P4HA1: variants seen among roughly 807,000 people sequenced by gnomAD.
The protein encoded by P4HA1 is prolyl 4-hydroxylase subunit alpha-1.
Under a neutral mutation model 72.8 loss-of-function variants are expected in P4HA1, and 24 were observed. That is an observed-to-expected ratio of 0.33 (90% CI 0.24 to 0.46). P4HA1 has a LOEUF of 0.46. P4HA1 is among the 20% of genes least tolerant of loss of function. The pLI is 1.00. For missense variants in P4HA1, 446 were observed against 640.6 expected, an observed-to-expected ratio of 0.70 and a Z score of 3.28; for synonymous variants, 201 against 218.8, an observed-to-expected ratio of 0.92 and a Z score of 0.72.
intron 4 of P4HA1, chr10:73,071,373 G>A (rs921002546): frequency 1.3e-5 from 2 of 151,832 alleles, no homozygotes; most frequent in African/African-American, 4.8e-5. Context: ...TACCCTTGGA[G>A]TATTTTATCT....
At chr10:73,066,282 G>C (rs944441291) in intron 5 of P4HA1, among the ~76,000 whole-genome samples, 6 of 151,968 alleles carry the variant, frequency 3.9e-5, no homozygotes, top group Non-Finnish European at 8.8e-5. Context: ...AAGTCAATAA[G>C]AACTAGCCCA....
intron 5 of P4HA1, among the ~76,000 whole-genome samples, chr10:73,063,177 A>T (rs911440115): frequency 6.6e-6 from 1 of 152,216 alleles, no homozygotes; most frequent in African/African-American, 2.4e-5. Context: ...AAAAAAACAA[A>T]TTTATTTTCT....
At chr10:73,030,585 A>ATTTTC (rs1463111709) in intron 9 of P4HA1, among the ~76,000 whole-genome samples, 1 of 152,152 alleles carries the variant, frequency 6.6e-6, no homozygotes, top group East Asian at 1.9e-4. Context: ...GAAGGAAAAA[A>ATTTTC]CTAATCAAAT....
chr10:73,078,729 A>AGCCTCCC (rs781185200), intron 1 of P4HA1, among the ~76,000 whole-genome samples: 35 of 145,908 alleles, frequency 2.4e-4, no homozygotes, highest in Non-Finnish European at 4.2e-4. Context: ...CTCCTGCTTC[A>AGCCTCCC]GCCTCCCAAG....
At position 73,093,842 on chromosome 10, in the gene P4HA1, C is replaced by CAA. The variant is rs1157986784; in HGVS notation, c.-33+2922_-33+2923dup. 1.6e-3 allele frequency among the ~76,000 whole-genome samples: 22 copies of CAA among 14,016 alleles called. 5 individuals carry two copies. Among genetic ancestry groups the CAA allele is most frequent in the Admixed American group, 6.5e-3 (3 of 464 alleles). The allele number at this position is 14,016 out of a possible 152,430, so 9.2% of individuals were successfully genotyped here. ...TGGGTGGCAGAGTGAAACTCCATCT[C>CAA]AAAAAAAAAAAAAAAAAAAAAAAAA... On this transcript the variant is annotated intron_variant, in intron 1 of 14. Coordinates refer to ENST00000394890, the MANE Select transcript of P4HA1 (RefSeq NM_001017962.3).
chr10:73,091,415 C>A (rs1015273217), intron 1 of P4HA1, among the ~76,000 whole-genome samples: 1 of 152,122 alleles, frequency 6.6e-6, no homozygotes, highest in African/African-American at 2.4e-5. Context: ...GATCTTCCCA[C>A]CTCAGCCTCC....
intron 10 of P4HA1, among the ~76,000 whole-genome samples, chr10:73,029,333 C>CTA (rs1435761587): frequency 6.6e-6 from 1 of 150,922 alleles, no homozygotes; most frequent in Non-Finnish European, 1.5e-5. Context: ...ATCGCTTGAA[C>CTA]CAGGAGACAG....
intron 10 of P4HA1, among the ~76,000 whole-genome samples, chr10:73,028,371 GA>G (rs902075073): frequency 6.6e-6 from 1 of 150,578 alleles, no homozygotes; most frequent in Non-Finnish European, 1.5e-5. Context: ...AACTTAATTA[GA>G]AAAAGGGAAT....
At chr10:73,054,785 C>T (rs549758697) in intron 5 of P4HA1, among the ~76,000 whole-genome samples, 1 of 152,286 alleles carries the variant, frequency 6.6e-6, no homozygotes, top group Non-Finnish European at 1.5e-5. Context: ...TTATTGTAGA[C>T]ATTCTGGTGA....
Position 73,047,091 on chromosome 10 carries a change from C to G in P4HA1, c.911G>C (p.Arg304Thr). 1 of 1,610,208 alleles carries G rather than the reference C, an allele frequency of 6.2e-7. No individual in the cohort carries two copies. The highest frequency in any genetic ancestry group is 1.3e-5 in the African/African-American group (1 of 74,920). The stretch of plus-strand genomic sequence containing the variant: ...GTAGCGGCAAAAGAGTTTTTTCTGT[C>G]TCCGAGGGGTCTAAACATAAAGTTA... Reference protein sequence around the residue: ...RGEGIKMTPRRQKKLFCRYHD... With the variant: ...RGEGIKMTPRTQKKLFCRYHD... The change falls in exon 8 of 15, where the codon AGA (arginine) becomes ACA (threonine). Residue 304 changes from arginine (R) to threonine (T), a missense_variant. By Grantham distance (71) the Arg-to-Thr change is moderately conservative. Transcript: ENST00000394890.
At chr10:73,073,200 T>C (rs1266136196) in intron 3 of P4HA1, among the ~76,000 whole-genome samples, 1 of 148,390 alleles carries the variant, frequency 6.7e-6, no homozygotes, top group Non-Finnish European at 1.5e-5. Flanking sequence ...ATCAGTCAGC[T>C]TCCTGTATCC....
intron 10 of P4HA1, among the ~76,000 whole-genome samples, chr10:73,022,872 A>C (rs1840169489): frequency 6.6e-6 from 1 of 152,250 alleles, no homozygotes; most frequent in Non-Finnish European, 1.5e-5. Flanking sequence ...AGCCGATTTG[A>C]TCAAGTGGAA....
At chr10:73,072,539 C>T (rs1327875190) in intron 3 of P4HA1, among the ~76,000 whole-genome samples, 2 of 152,114 alleles carry the variant, frequency 1.3e-5, no homozygotes, top group Admixed American at 6.5e-5. Context: ...TAGCCCAACC[C>T]AAATTCAATT....
chr10:73,021,774 G>A (rs1840141949), intron 10 of P4HA1, among the ~76,000 whole-genome samples: 1 of 152,178 alleles, frequency 6.6e-6, no homozygotes, highest in Admixed American at 6.5e-5. Context: ...GGAAAAACCG[G>A]ACAATCCTGC....
At chr10:73,074,053 C>A in intron 2 of P4HA1, 1 of 511,888 alleles carries the variant, frequency 2.0e-6, no homozygotes. Context: ...ATTTTGCAAG[C>A]TTTAGACTGT....
intron 1 of P4HA1, among the ~76,000 whole-genome samples, chr10:73,090,787 G>A (rs1842011360): frequency 6.6e-6 from 1 of 152,016 alleles, no homozygotes; most frequent in African/African-American, 2.4e-5. Context: ...CAGGCCAGGT[G>A]CGGTGGCTCA....
In P4HA1 at chr10:73,018,139, C is replaced by T. The variant is rs542527811; in HGVS notation, c.1249-1240G>A. Among the ~76,000 whole-genome samples, 57 of 152,298 alleles carry T rather than the reference C, an allele frequency of 3.7e-4. 1 individual carries two copies. The South Asian group carries it at 0.012, about 31-fold the overall frequency. ...AGGTGGAACTGCTCTACCCACCCCT[C>T]CCCCAACTCCCTGAGGCAGGAGCTG... On this transcript the variant is annotated intron_variant, in intron 10 of 14. Coordinates refer to ENST00000394890, the MANE Select transcript of P4HA1 (RefSeq NM_001017962.3).
In P4HA1 at chr10:73,076,385, G is replaced by C. The variant is rs367550497; in HGVS notation, c.-32-1470C>G. On this transcript the variant is annotated intron_variant, in intron 1 of 14. Coordinates refer to ENST00000394890, the MANE Select transcript of P4HA1 (RefSeq NM_001017962.3). ...GTTTTTTTTTTTTTTTTAAGTTGTA[G>C]AGAATCCAAAACGAATAAACAGCCA... 2.0e-4 allele frequency among the ~76,000 whole-genome samples: 30 copies of C among 146,954 alleles called. No individual in the cohort carries two copies. The East Asian group carries it at 2.8e-3, about 14-fold the overall frequency.
intron 12 of P4HA1, among the ~76,000 whole-genome samples, chr10:73,012,781 A>AAT (rs1339281030): frequency 7.2e-5 from 11 of 152,120 alleles, no homozygotes; most frequent in Middle Eastern, 6.8e-3. Context: ...CTACATATAA[A>AAT]ATATATATAT....
Sources: allele counts gnomAD v4.1 joint callset (sites outside exome capture counted in the v4.1 genomes callset), GRCh38; gene constraint gnomAD v4.1.1; transcripts MANE v1.5; gene names NCBI Gene and HGNC (gene_info 2026-07-23, HGNC 2026-07-21).